GPC5: variants seen among roughly 807,000 people sequenced by gnomAD.
GPC5 encodes the protein glypican-5.
A neutral mutation model predicts 53.9 loss-of-function variants in GPC5; 47 were observed. That is an observed-to-expected ratio of 0.87 (90% CI 0.69 to 1.11). GPC5 has a LOEUF of 1.11. GPC5 is among the 50% of genes most tolerant of loss of function. The pLI, the probability that GPC5 is intolerant of heterozygous loss-of-function variation, is 0.00. For missense variants in GPC5, 748 were observed against 713.1 expected (o/e 1.05, Z -0.56); for synonymous variants, 286 against 263.3 (o/e 1.09, Z -0.84).
At chr13:92,578,166 C>T (rs1373932688) in intron 7 of GPC5, among the ~76,000 whole-genome samples, 1 of 152,108 alleles carries the variant, frequency 6.6e-6, no homozygotes. Flanking sequence ...GTGAATGGTG[C>T]AGTTGGGCTT....
chr13:91,821,107 A>G lies in GPC5; in HGVS notation c.1280+64687A>G, dbSNP rs375362137. Among the ~76,000 whole-genome samples the G allele has an allele frequency of 3.0e-4, 46 of 152,308 alleles. No homozygotes were observed. The East Asian group carries it at 6.0e-3, about 20-fold the overall frequency. On this transcript the variant is annotated intron_variant, in intron 5 of 7. Transcript: ENST00000377067. ...TCATATTGTAATGTTTCAACTTTTA[A>G]GCAATGAACATAGTATGCAGCTTCA...
chr13:91,958,736 T>A (rs1248007121), intron 6 of GPC5, among the ~76,000 whole-genome samples: 1 of 152,002 alleles, frequency 6.6e-6, no homozygotes, highest in African/African-American at 2.4e-5. Context: ...CTCAGGAAAC[T>A]GTACAAATAC....
At chr13:91,519,068 G>A (rs989975035) in intron 2 of GPC5, among the ~76,000 whole-genome samples, 2 of 152,096 alleles carry the variant, frequency 1.3e-5, no homozygotes, top group Admixed American at 6.5e-5. Flanking sequence ...AATGTTTTCC[G>A]TGAATTAGCT....
chr13:92,656,173 C>T (rs750659783), intron 7 of GPC5, among the ~76,000 whole-genome samples: 2 of 152,068 alleles, frequency 1.3e-5, no homozygotes, highest in Non-Finnish European at 2.9e-5. Flanking sequence ...GTTTAGAAAA[C>T]AGCACAGGGC....
At chr13:92,134,002 C>T (rs558993663) in intron 6 of GPC5, among the ~76,000 whole-genome samples, 11 of 152,202 alleles carry the variant, frequency 7.2e-5, no homozygotes, top group African/African-American at 2.4e-4. Flanking sequence ...ATACTGTCTA[C>T]ATTGCTTACT....
chr13:92,475,894 A>G (rs546386840), intron 7 of GPC5, among the ~76,000 whole-genome samples: 2 of 152,194 alleles, frequency 1.3e-5, no homozygotes, highest in East Asian at 3.9e-4. Flanking sequence ...AAATCAATTC[A>G]AGATGGATTA....
At chr13:92,024,969 C>T (rs1014349069) in intron 6 of GPC5, among the ~76,000 whole-genome samples, 2 of 152,136 alleles carry the variant, frequency 1.3e-5, no homozygotes, top group Non-Finnish European at 2.9e-5. Context: ...ATCATGCTTA[C>T]TCAGATCTAT....
At chr13:91,640,858 C>T (rs1453988370) in intron 2 of GPC5, among the ~76,000 whole-genome samples, 1 of 151,114 alleles carries the variant, frequency 6.6e-6, no homozygotes, top group Non-Finnish European at 1.5e-5. Context: ...TTCACAATAG[C>T]AAAGACATGA....
chr13:92,485,586 G>A lies in GPC5; in HGVS notation c.1561+340597G>A, dbSNP rs776545821. ...ATAGTAATTGAGCAATAAACCCCAA[G>A]TTGATTGTTTAATGGAATAATCAAG... On this transcript the variant is annotated intron_variant, in intron 7 of 7. Coordinates refer to ENST00000377067, the MANE Select transcript of GPC5 (RefSeq NM_004466.6). Among the ~76,000 whole-genome samples, 6 of 152,172 alleles carry A rather than the reference G, an allele frequency of 3.9e-5. No homozygotes were observed. The East Asian group carries it at 7.7e-4, about 20-fold the overall frequency.
At chr13:92,572,068 T>G (rs1371541417) in intron 7 of GPC5, among the ~76,000 whole-genome samples, 1 of 152,164 alleles carries the variant, frequency 6.6e-6, no homozygotes, top group Non-Finnish European at 1.5e-5. Flanking sequence ...GTTAGCCATG[T>G]GAAATCTTAG....
At chr13:92,112,188 A>G (rs376905934) in intron 6 of GPC5, among the ~76,000 whole-genome samples, 1 of 152,180 alleles carries the variant, frequency 6.6e-6, no homozygotes, top group Non-Finnish European at 1.5e-5. Flanking sequence ...TCAAAGAGTT[A>G]GAGAATTTAG....
rs188894266 is a variant in GPC5, at chr13:92,463,219, G to A, written c.1561+318230G>A. 2.6e-5 allele frequency among the ~76,000 whole-genome samples: 4 copies of A among 152,282 alleles called. No homozygotes were observed. In the East Asian group the frequency reaches 7.7e-4, roughly 29 times the overall value. ...TTAGCAGACAAACATGGTTTAAACAGCCATTGGATTTTCCAGAGAAGGTGT... is the reference window on the plus strand; with the variant it reads ...TTAGCAGACAAACATGGTTTAAACAACCATTGGATTTTCCAGAGAAGGTGT... On this transcript the variant is annotated intron_variant, in intron 7 of 7. Transcript: ENST00000377067.
chr13:92,394,209 T>C (rs1188146831), intron 7 of GPC5, among the ~76,000 whole-genome samples: 1 of 152,204 alleles, frequency 6.6e-6, no homozygotes, highest in African/African-American at 2.4e-5. Context: ...ATTATACTTA[T>C]CTACATATGC....
chr13:92,463,392 C>A (rs1195850219), intron 7 of GPC5, among the ~76,000 whole-genome samples: 1 of 152,300 alleles, frequency 6.6e-6, no homozygotes, highest in Admixed American at 6.5e-5. Context: ...AGGCACTTAA[C>A]CTTTTTCAGT....
intron 7 of GPC5, among the ~76,000 whole-genome samples, chr13:92,224,642 G>A (rs2042471810): frequency 6.6e-6 from 1 of 152,156 alleles, no homozygotes; most frequent in African/African-American, 2.4e-5. Context: ...TTTTCAGATA[G>A]TCTGGAATTT....
Position 92,144,992 on chromosome 13 carries a change from A to AAG in GPC5, c.1561+4_1561+5dup. ...GAGGACACTGAAGATCACAGACTGT[A>AAG]AGTGTATGATTCTAACACCACTTTT... On this transcript the variant is annotated splice_donor_region_variant and intron_variant, in intron 7 of 7. Coordinates refer to ENST00000377067, the MANE Select transcript of GPC5 (RefSeq NM_004466.6). 2 of 1,452,238 alleles carry AAG rather than the reference A, an allele frequency of 1.4e-6. No homozygotes were observed. The highest frequency in any genetic ancestry group is 1.8e-6 in the Non-Finnish European group (2 of 1,101,390). 90.0% of individuals were successfully genotyped at this position (1,452,238 alleles called of 1,614,324 possible).
intron 2 of GPC5, among the ~76,000 whole-genome samples, chr13:91,513,291 G>A (rs914358105): frequency 1.3e-5 from 2 of 151,982 alleles, no homozygotes; most frequent in African/African-American, 4.8e-5. Context: ...TCACAACTAG[G>A]ATAATAACAT....
At chr13:92,860,374 C>A (rs573324459) in intron 7 of GPC5, among the ~76,000 whole-genome samples, 16 of 152,024 alleles carry the variant, frequency 1.1e-4, no homozygotes, top group Non-Finnish European at 1.8e-4. Flanking sequence ...AGTCACTCTT[C>A]TTTGGTTCTC....
At chr13:92,617,093 G>A (rs1385841672) in intron 7 of GPC5, among the ~76,000 whole-genome samples, 13 of 152,186 alleles carry the variant, frequency 8.5e-5, no homozygotes, top group South Asian at 4.1e-4. Flanking sequence ...ATGCTGTTGC[G>A]CTTAGAAAAT....
Sources: gnomAD v4.1 joint callset for allele counts (sites outside exome capture counted in the v4.1 genomes callset) on GRCh38, gnomAD v4.1.1 for gene constraint, MANE v1.5 for transcripts, NCBI Gene and HGNC (gene_info 2026-07-23, HGNC 2026-07-21) for gene names.